The following TNRC6C variants were observed in gnomAD, a reference collection of about 807,000 sequenced individuals.
TNRC6C encodes trinucleotide repeat-containing gene 6C protein.
In TNRC6C, 20 loss-of-function variants were observed where a neutral mutation model predicts 153.7. The observed-to-expected ratio is 0.13, with a 90% confidence interval of 0.09 to 0.19. The LOEUF (loss-of-function observed/expected upper bound fraction) is 0.19. Among genes scored for constraint, TNRC6C ranks in the 10% least tolerant of loss-of-function variants. The pLI, the probability that TNRC6C is intolerant of heterozygous loss-of-function variation, is 1.00. For synonymous variants in TNRC6C, 811 were observed against 841.4 expected (o/e 0.96, Z 0.63); for missense variants, 1,987 against 2,172.0 (o/e 0.91, Z 1.69).
intron 15 of TNRC6C, 130 bp from the exon 18 acceptor site, chr17:78,093,490 A>G: frequency 3.6e-6 from 4 of 1,119,092 alleles, no homozygotes; most frequent in Non-Finnish European, 5.0e-6. Flanking sequence ...AAGAGAGTAT[A>G]AGGTGTACCT....
At chr17:78,026,277 A>G in intron 1 of TNRC6C, among the ~76,000 whole-genome samples, 1 of 152,234 alleles carries the variant, frequency 6.6e-6, no homozygotes, top group Non-Finnish European at 1.5e-5. Flanking sequence ...AACATACACA[A>G]TGCTGAGTGC....
At chr17:77,975,542 TA>T in intron 1 of TNRC6C, among the ~76,000 whole-genome samples, 1 of 152,236 alleles carries the variant, frequency 6.6e-6, no homozygotes, top group Non-Finnish European at 1.5e-5. Context: ...ATAGCAGTTT[TA>T]AAAATATTTG....
chr17:78,006,390 T>C (rs1363700190), intron 1 of TNRC6C, among the ~76,000 whole-genome samples: 2 of 152,274 alleles, frequency 1.3e-5, no homozygotes, highest in African/African-American at 4.8e-5. Flanking sequence ...TAGTTGTGTA[T>C]GAATTTATGA....
At chr17:77,975,423 T>C (rs16970710) in intron 1 of TNRC6C, among the ~76,000 whole-genome samples, 4,222 of 152,230 alleles carry the variant, frequency 0.028, 179 homozygotes, top group African/African-American at 0.097. Context: ...TGCAGTGTGC[T>C]GGAGGGAGAA....
At chr17:78,070,674 C>A (rs1276456560) in intron 5 of TNRC6C, among the ~76,000 whole-genome samples, 1 of 152,118 alleles carries the variant, frequency 6.6e-6, no homozygotes. Context: ...TTGGAATAAA[C>A]CCCCTCATTT....
rs373219076 is a variant in TNRC6C, at chr17:78,064,881, C to T, written c.2555C>T (p.Pro852Leu). ...TGGGGAGATCACCCTGCAGAGCCGC[C>T]GGTGGCATTTGGAAGAGCTGGCGCA... is the stretch of plus-strand genomic sequence containing the variant. The change falls in exon 4 of 20, where the codon CCG becomes CTG. Residue 852 changes from proline (P) to leucine (L), a missense_variant. Pro to Leu is a moderately conservative substitution (Grantham distance 98). This residue lies in a region of TNRC6C where 765 missense variants were observed against 908.6 expected (regional missense o/e 0.84). Coordinates refer to ENST00000301624, the Ensembl canonical transcript of TNRC6C. 58 of 1,611,866 alleles carry T rather than the reference C, an allele frequency of 3.6e-5. No homozygotes were observed. Among genetic ancestry groups the T allele is most frequent in the South Asian group, 1.9e-4 (17 of 90,912 alleles).
intron 1 of TNRC6C, among the ~76,000 whole-genome samples, chr17:77,981,053 G>A (rs1444994632): frequency 1.3e-5 from 2 of 152,062 alleles, no homozygotes; most frequent in African/African-American, 2.4e-5. Flanking sequence ...ACGGCTCACT[G>A]CAGCCTCAAC....
chr17:78,081,328 G>A (rs879732295), intron 10 of TNRC6C, among the ~76,000 whole-genome samples: 1 of 152,002 alleles, frequency 6.6e-6, no homozygotes, highest in Non-Finnish European at 1.5e-5. Flanking sequence ...GCTAGCATAC[G>A]AAAAAGAGCA....
intron 11 of TNRC6C, 74 bp from the exon 14 acceptor site, chr17:78,086,429 T>G: frequency 7.4e-7 from 1 of 1,352,956 alleles, no homozygotes; most frequent in Non-Finnish European, 1.0e-6. Flanking sequence ...TTTTAACTAA[T>G]GTCAGAAAGT....
At chr17:78,040,316 G>C (rs76311281) in intron 2 of TNRC6C, among the ~76,000 whole-genome samples, 6 of 152,310 alleles carry the variant, frequency 3.9e-5, no homozygotes, top group African/African-American at 1.4e-4. Flanking sequence ...TGAAACACTT[G>C]AGAGCTTTTA....
At chr17:77,986,874 G>C (rs2071177046) in intron 1 of TNRC6C, among the ~76,000 whole-genome samples, 1 of 151,986 alleles carries the variant, frequency 6.6e-6, no homozygotes. Context: ...CAGAAAAGAA[G>C]GTAGATCCTA....
chr17:78,010,591 G>A (rs1055732213), intron 1 of TNRC6C, among the ~76,000 whole-genome samples: 1 of 152,098 alleles, frequency 6.6e-6, no homozygotes, highest in Non-Finnish European at 1.5e-5. Context: ...ATTAATTTTA[G>A]GAAGGAACTT....
chr17:78,005,564 A>T (rs1326947838), intron 1 of TNRC6C, among the ~76,000 whole-genome samples: 3 of 152,236 alleles, frequency 2.0e-5, no homozygotes, highest in Admixed American at 6.5e-5. Flanking sequence ...GTGTTGGTGG[A>T]AACACACGCA....
intron 2 of TNRC6C, among the ~76,000 whole-genome samples, chr17:78,038,399 T>C (rs1224773713): frequency 6.6e-6 from 1 of 151,856 alleles, no homozygotes; most frequent in Non-Finnish European, 1.5e-5. Flanking sequence ...TGTGGCTGGG[T>C]GCGGTGGCTC....
At chr17:78,008,053 G>C (rs913440073) in intron 1 of TNRC6C, among the ~76,000 whole-genome samples, 2 of 152,034 alleles carry the variant, frequency 1.3e-5, no homozygotes, top group African/African-American at 4.8e-5. Context: ...ATATTAACTA[G>C]TCTAATCCGT....
intron 1 of TNRC6C, among the ~76,000 whole-genome samples, chr17:77,967,777 A>T (rs890541504): frequency 6.6e-6 from 1 of 152,248 alleles, no homozygotes; most frequent in Non-Finnish European, 1.5e-5. Flanking sequence ...GTCTTTAGAT[A>T]CTAGCCCATT....
intron 1 of TNRC6C, among the ~76,000 whole-genome samples, chr17:77,974,916 T>C (rs1485176008): frequency 6.6e-6 from 1 of 152,214 alleles, no homozygotes; most frequent in Non-Finnish European, 1.5e-5. Flanking sequence ...ACTAATTCCA[T>C]GCCTTTTGCC....
At chr17:78,105,011 AG>A (rs1320385312) in exon 20 of TNRC6C, 2 of 866,084 alleles carry the variant, frequency 2.3e-6, no homozygotes, top group Non-Finnish European at 3.1e-6. Flanking sequence ...TTCGCAAAAC[AG>A]TGCGGGCTGC....
At chr17:78,091,697 C>G in intron 14 of TNRC6C, 90 bp downstream of exon 16, 2 of 1,258,354 alleles carry the variant, frequency 1.6e-6, no homozygotes, top group Non-Finnish European at 2.0e-6. Flanking sequence ...CTATACTTTT[C>G]TAAGAATTGA....
Sources: gnomAD v4.1 joint callset for allele counts (sites outside exome capture counted in the v4.1 genomes callset) on GRCh38, gnomAD v4.1.1 for gene constraint, gnomAD v4.1.1 regional missense constraint, MANE v1.5 for transcripts, NCBI Gene and HGNC (gene_info 2026-07-23, HGNC 2026-07-21) for gene names.